KCNQ1: variants seen among roughly 807,000 people sequenced by gnomAD.
KCNQ1 encodes potassium voltage-gated channel subfamily KQT member 1.
In KCNQ1, 49 loss-of-function variants were observed where a neutral mutation model predicts 72.4. The observed-to-expected ratio is 0.68, with a 90% CI of 0.54 to 0.86. The LOEUF (loss-of-function observed/expected upper bound fraction) is 0.86, where lower values mean the gene tolerates loss of function less well. Among genes scored for constraint, KCNQ1 ranks in the 40% least tolerant of loss-of-function variants. The pLI is 0.00. For synonymous variants in KCNQ1, 450 were observed against 412.6 expected (o/e 1.09, Z -1.10); for missense variants, 790 against 945.1 (o/e 0.84, Z 2.15).
intron 10 of KCNQ1, chr11:2,616,740 T>C (rs191121422): frequency 1.0e-5 from 4 of 398,248 alleles, no homozygotes; most frequent in African/African-American, 8.2e-5. Flanking sequence ...TATATTGTAG[T>C]TAGAGAAGAT....
In KCNQ1 at chr11:2,654,677, A is replaced by AG. The variant is rs1346296100; in HGVS notation, c.1394-7283dup. The AG allele has an allele frequency of 7.5e-6, 3 of 398,662 alleles. No individual in the cohort carries two copies. In the Admixed American group the frequency reaches 1.3e-4, roughly 18 times the overall value. 24.7% of individuals were successfully genotyped at this position (398,662 alleles called of 1,614,324 possible). Reference sequence around the variant, plus strand: ...GCAGAGGGCAGCAGAGATGGGCTGGAGCTTTGAGCTTTGTCATAGGCTGGA... The same window carrying AG: ...GCAGAGGGCAGCAGAGATGGGCTGGAGGCTTTGAGCTTTGTCATAGGCTGGA... On this transcript the variant is annotated intron_variant, in intron 10 of 15. Transcript: ENST00000155840. This position sits in a 1 kb window ranked among gnomAD's most constrained non-coding sequence, Gnocchi z 6.4.
intron 15 of KCNQ1, among the ~76,000 whole-genome samples, chr11:2,823,544 T>C (rs1847781858): frequency 6.6e-6 from 1 of 151,298 alleles, no homozygotes; most frequent in African/African-American, 2.4e-5. Context: ...AACAGGGAGG[T>C]CCAAGCCCAG....
intron 11 of KCNQ1, chr11:2,672,928 G>A: frequency 2.5e-6 from 1 of 398,724 alleles, no homozygotes; most frequent in Non-Finnish European, 4.4e-6. Flanking sequence ...GGCCATGCAG[G>A]CCCACCACAG....
chr11:2,709,382 C>T (rs1007669327), intron 11 of KCNQ1, among the ~76,000 whole-genome samples: 1 of 151,808 alleles, frequency 6.6e-6, no homozygotes, highest in Admixed American at 6.6e-5. Context: ...TTGGGAGCCA[C>T]TCTCGGTGTC....
In KCNQ1 at chr11:2,542,006, C is replaced by T. The variant is rs1013942490; in HGVS notation, c.477+13988C>T. On this transcript the variant is annotated intron_variant, in intron 2 of 15. Transcript: ENST00000155840. ...TGGGGTGGGCCTCAGAGGCTGTCGC[C>T]GTGCCTGCTGTGGCTCTCCATGGCC... Among the ~76,000 whole-genome samples the T allele has an allele frequency of 2.0e-5, 3 of 152,316 alleles. No individual in the cohort carries two copies. The East Asian group carries it at 5.8e-4, about 30-fold the overall frequency.
At chr11:2,641,373 C>A in intron 10 of KCNQ1, 1 of 398,096 alleles carries the variant, frequency 2.5e-6, no homozygotes, top group Non-Finnish European at 4.4e-6. Flanking sequence ...TTGCATTTCC[C>A]TTATAATTAC....
intron 2 of KCNQ1, among the ~76,000 whole-genome samples, chr11:2,570,154 T>C (rs1459046683): frequency 6.6e-6 from 1 of 152,092 alleles, no homozygotes; most frequent in Non-Finnish European, 1.5e-5. Flanking sequence ...GGACGCCCTC[T>C]GGCCCAAGCT....
At chr11:2,521,044 A>G (rs1008710290) in intron 1 of KCNQ1, among the ~76,000 whole-genome samples, 11 of 89,566 alleles carry the variant, frequency 1.2e-4, no homozygotes, top group African/African-American at 4.3e-4. Flanking sequence ...TGCTTTAAAA[A>G]AAGTTTTTTT....
chr11:2,834,059 G>C (rs1848013101), intron 15 of KCNQ1, among the ~76,000 whole-genome samples: 1 of 152,220 alleles, frequency 6.6e-6, no homozygotes, highest in Non-Finnish European at 1.5e-5. Context: ...CAGAGGCTTA[G>C]GTCCCCTTAC....
chr11:2,647,038 G>C lies in KCNQ1; in HGVS notation c.1394-14923G>C. 2.5e-6 allele frequency: 1 copy of C among 398,594 alleles called. No homozygotes were observed. The highest frequency in any genetic ancestry group is 1.3e-4 in the South Asian group (1 of 7,860). The allele number at this position is 398,594 out of a possible 1,614,324, so 24.7% of individuals were successfully genotyped here. ...TCTTACTCTGCTGAATAAGAATAGT[G>C]AAAGTGGGCATCCTTGTCTTGTTCT... is the stretch of plus-strand genomic sequence containing the variant. On this transcript the variant is annotated intron_variant, in intron 10 of 15. Transcript: ENST00000155840. This position sits in a 1 kb window ranked among gnomAD's most constrained non-coding sequence, Gnocchi z 4.0.
chr11:2,785,099 T>G lies in KCNQ1; in HGVS notation c.1794+7062T>G, dbSNP rs234872. Among the ~76,000 whole-genome samples, 1 of 151,788 alleles carries G rather than the reference T, an allele frequency of 6.6e-6. No individual in the cohort carries two copies. Among genetic ancestry groups the G allele is most frequent in the Non-Finnish European group, 1.5e-5 (1 of 67,782 alleles). On this transcript the variant is annotated intron_variant, in intron 15 of 15. Coordinates refer to ENST00000155840, the MANE Select transcript of KCNQ1 (RefSeq NM_000218.3). This position sits in a 1 kb window ranked among gnomAD's most constrained non-coding sequence, Gnocchi z 4.4. ...AGAGCAGATCTTCTGGGGAAAATCA[T>G]TCAATCAATTTCCATTAGCTCTGAG...
chr11:2,689,247 C>G (rs1850548227), intron 11 of KCNQ1: 1 of 398,594 alleles, frequency 2.5e-6, no homozygotes. Context: ...GAAGTCAGCC[C>G]TTGGAGGACG....
chr11:2,790,237 C>T lies in KCNQ1; in HGVS notation c.1794+12200C>T, dbSNP rs180925962. Among the ~76,000 whole-genome samples the T allele has an allele frequency of 5.3e-3, 808 of 152,320 alleles. 34 individuals are homozygous for T. The highest frequency in any genetic ancestry group is 0.049 in the Admixed American group (743 of 15,308). ...GCCTGTCTGATGTGGCTCCCGTCCT[C>T]CTCTGCTGGGGTTGTCTACACTGTC... On this transcript the variant is annotated intron_variant, in intron 15 of 15. Coordinates refer to ENST00000155840, the MANE Select transcript of KCNQ1 (RefSeq NM_000218.3).
In KCNQ1 at chr11:2,818,721, C is replaced by A. The variant is rs937453245; in HGVS notation, c.1795-29046C>A. 6.6e-6 allele frequency among the ~76,000 whole-genome samples: 1 copy of A among 152,046 alleles called. No homozygotes were observed. The highest frequency in any genetic ancestry group is 2.4e-5 in the African/African-American group (1 of 41,388). On this transcript the variant is annotated intron_variant, in intron 15 of 15. Coordinates refer to ENST00000155840, the MANE Select transcript of KCNQ1 (RefSeq NM_000218.3). This position sits in a 1 kb window ranked among gnomAD's most constrained non-coding sequence, Gnocchi z 7.2. ...AGCTGCCCAGAGCCCCCAGCCCCTA[C>A]CCTAGTCTGATGACCCAGGCCTTTC...
At chr11:2,459,760 CAG>C (rs1010246122) in intron 1 of KCNQ1, among the ~76,000 whole-genome samples, 3 of 152,072 alleles carry the variant, frequency 2.0e-5, no homozygotes, top group African/African-American at 7.2e-5. Flanking sequence ...GCCTGGGTCT[CAG>C]AGGTAGATGA....
chr11:2,648,654 C>T lies in KCNQ1; in HGVS notation c.1394-13307C>T, dbSNP rs536819350. The T allele has an allele frequency of 1.3e-5, 5 of 398,458 alleles. No individual in the cohort carries two copies. In the East Asian group the frequency reaches 1.8e-4, roughly 14 times the overall value. 24.7% of individuals were successfully genotyped at this position (398,458 alleles called of 1,614,324 possible). A position where few individuals can be genotyped will look rare whatever the true frequency, so the allele number is the denominator to read the frequency against. ...GAGAAGATACTTGATAAGATTTTGACTTTTAAAAATTTATTGAGACCCGTT... is the reference window on the plus strand; with the variant it reads ...GAGAAGATACTTGATAAGATTTTGATTTTTAAAAATTTATTGAGACCCGTT... On this transcript the variant is annotated intron_variant, in intron 10 of 15. Transcript: ENST00000155840.
In KCNQ1 at chr11:2,674,426, A is replaced by G. The variant is rs1850253457; in HGVS notation, c.1514+12345A>G. Reference sequence around the variant, plus strand: ...GTGTGTGCGCGCCCGCGCGCACACGACCACAGAGGCTGGGGGGAGGCACGT... The same window carrying G: ...GTGTGTGCGCGCCCGCGCGCACACGGCCACAGAGGCTGGGGGGAGGCACGT... On this transcript the variant is annotated intron_variant, in intron 11 of 15. Transcript: ENST00000155840. This position sits in a 1 kb window ranked among gnomAD's most constrained non-coding sequence, Gnocchi z 5.9. 2.5e-6 allele frequency: 1 copy of G among 398,420 alleles called. No individual in the cohort carries two copies. The highest frequency in any genetic ancestry group is 6.3e-4 in the Middle Eastern group (1 of 1,588). The allele number at this position is 398,420 out of a possible 1,614,324, so 24.7% of individuals were successfully genotyped here.
rs1848246689 is a variant in KCNQ1 at position 2,566,318 on chromosome 11, C to T, written c.478-4310C>T. ...TCTGTGCATGAGAGTGGTCAGCCCT[C>T]CATGGCAGGCCTGGCCTCACCTGCC... On this transcript the variant is annotated intron_variant, in intron 2 of 15. Coordinates refer to ENST00000155840, the MANE Select transcript of KCNQ1 (RefSeq NM_000218.3). This position sits in a 1 kb window ranked among gnomAD's most constrained non-coding sequence, Gnocchi z 6.7. Among the ~76,000 whole-genome samples, 1 of 152,214 alleles carries T rather than the reference C, an allele frequency of 6.6e-6. No individual in the cohort carries two copies. The highest frequency in any genetic ancestry group is 2.4e-5 in the African/African-American group (1 of 41,446).
intron 1 of KCNQ1, among the ~76,000 whole-genome samples, chr11:2,452,584 C>T (rs912628837): frequency 1.3e-5 from 2 of 152,218 alleles, no homozygotes; most frequent in Admixed American, 6.5e-5. Flanking sequence ...GGGAACCATG[C>T]GCTTCAAGCG....
Sources: gnomAD v4.1 joint callset for allele counts (sites outside exome capture counted in the v4.1 genomes callset) on GRCh38, gnomAD v4.1.1 for gene constraint, Gnocchi (gnomAD v3.1) non-coding constraint, MANE v1.5 for transcripts, NCBI Gene and HGNC (gene_info 2026-07-23, HGNC 2026-07-21) for gene names.